The following OPCML variants were observed in gnomAD, a reference collection of about 807,000 sequenced individuals.
The protein encoded by OPCML is opioid binding protein/cell adhesion molecule like.
OPCML carries 13 observed loss-of-function variants against 37.8 expected under a neutral mutation model. The observed-to-expected ratio is 0.34, with a 90% CI of 0.22 to 0.55. The LOEUF is 0.55. Ranked by LOEUF, OPCML falls within the 20% of genes least tolerant of loss-of-function variation. The probability of loss-of-function intolerance (pLI) is 0.91; values close to 1 mark genes in which losing one functional copy is unlikely to be tolerated. For synonymous variants in OPCML, 176 were observed against 168.8 expected (o/e 1.04, Z -0.33); for missense variants, 341 against 435.6 (o/e 0.78, Z 1.93).
intron 1 of OPCML, chr11:133,301,218 G>C (rs982200155): frequency 1.3e-5 from 2 of 152,090 alleles, no homozygotes; most frequent in Admixed American, 6.6e-5. Context: ...TGGTATTTTA[G>C]TCTTTGTTAC....
chr11:132,925,898 C>T (rs767114465), intron 2 of OPCML, among the ~76,000 whole-genome samples: 45 of 152,148 alleles, frequency 3.0e-4, no homozygotes, highest in Admixed American at 2.0e-3. Flanking sequence ...CTGTTATTCC[C>T]TACCACTCAT....
chr11:132,826,117 G>A (rs958512918), intron 2 of OPCML, among the ~76,000 whole-genome samples: 8 of 152,158 alleles, frequency 5.3e-5, no homozygotes, highest in Non-Finnish European at 1.2e-4. Flanking sequence ...AAGAGTCTGG[G>A]TAGTTATGGG....
In OPCML at chr11:133,219,923, A is replaced by G. The variant is rs576398694; in HGVS notation, c.62-276913T>C. Among the ~76,000 whole-genome samples the G allele has an allele frequency of 2.1e-4, 32 of 152,340 alleles. No homozygotes were observed. The South Asian group carries it at 6.6e-3, about 32-fold the overall frequency. ...TAAAACTTAAAATGCCAGTGGCGCT[A>G]AGATTGAGAAACTGCTCACTGCTCA... On this transcript the variant is annotated intron_variant, in intron 1 of 7. Transcript: ENST00000524381.
At chr11:133,269,276 TC>T (rs1056448008) in intron 1 of OPCML, among the ~76,000 whole-genome samples, 2 of 152,064 alleles carry the variant, frequency 1.3e-5, no homozygotes, top group Admixed American at 6.6e-5. Flanking sequence ...AACTGGAAAT[TC>T]CCCGAGAGTG....
chr11:132,777,473 G>C (rs1347515813), intron 2 of OPCML, among the ~76,000 whole-genome samples: 1 of 152,194 alleles, frequency 6.6e-6, no homozygotes, highest in African/African-American at 2.4e-5. Context: ...GGAGCCCACA[G>C]TCATTCTGGG....
chr11:132,673,771 T>C (rs1942579418), intron 2 of OPCML, among the ~76,000 whole-genome samples: 1 of 152,150 alleles, frequency 6.6e-6, no homozygotes, highest in East Asian at 1.9e-4. Flanking sequence ...TTATGATGAC[T>C]TGTCAAAACA....
At chr11:133,510,009 G>A (rs568891158) in intron 1 of OPCML, among the ~76,000 whole-genome samples, 1 of 152,246 alleles carries the variant, frequency 6.6e-6, no homozygotes, top group African/African-American at 2.4e-5. Flanking sequence ...GGCCATGTGG[G>A]GAAGTCTTTA....
chr11:132,973,007 C>G (rs1946376469), intron 1 of OPCML, among the ~76,000 whole-genome samples: 2 of 152,216 alleles, frequency 1.3e-5, no homozygotes, highest in Non-Finnish European at 2.9e-5. Context: ...ATACCTGGTA[C>G]TGAGCCTCCA....
intron 1 of OPCML, among the ~76,000 whole-genome samples, chr11:133,290,827 ATC>A (rs2136537452): frequency 6.6e-6 from 1 of 152,364 alleles, no homozygotes; most frequent in African/African-American, 2.4e-5. Context: ...CTTGTCTGGA[ATC>A]TTCTTCCAAT....
chr11:132,559,942 C>T (rs2096406903), intron 3 of OPCML, among the ~76,000 whole-genome samples: 1 of 152,186 alleles, frequency 6.6e-6, no homozygotes, highest in Non-Finnish European at 1.5e-5. Flanking sequence ...AGCTATTTTA[C>T]AAGTATCCCT....
intron 1 of OPCML, among the ~76,000 whole-genome samples, chr11:133,218,561 T>C (rs1195304595): frequency 6.6e-6 from 1 of 152,166 alleles, no homozygotes. Flanking sequence ...CCTGTGCATG[T>C]AAGCTTGGAC....
intron 2 of OPCML, among the ~76,000 whole-genome samples, chr11:132,783,694 A>G (rs940876925): frequency 2.6e-5 from 4 of 151,492 alleles, no homozygotes; most frequent in African/African-American, 7.2e-5. Flanking sequence ...TTTCCTAATA[A>G]TATATCCTTT....
intron 4 of OPCML, among the ~76,000 whole-genome samples, chr11:132,508,662 T>C (rs2096262580): frequency 6.6e-6 from 1 of 152,178 alleles, no homozygotes; most frequent in Non-Finnish European, 1.5e-5. Context: ...TCTTATGAGA[T>C]CTAATGGGCA....
chr11:133,488,614 T>A (rs1947584123), intron 1 of OPCML, among the ~76,000 whole-genome samples: 1 of 151,942 alleles, frequency 6.6e-6, no homozygotes, highest in African/African-American at 2.4e-5. Flanking sequence ...ATGGAAAAAA[T>A]TCCATGCTTA....
At chr11:132,600,086 G>C (rs1323391354) in intron 3 of OPCML, among the ~76,000 whole-genome samples, 1 of 152,172 alleles carries the variant, frequency 6.6e-6, no homozygotes, top group Non-Finnish European at 1.5e-5. Context: ...GCATAGCTGT[G>C]GGGTGTCCTT....
At chr11:133,258,499 A>T (rs886119441) in intron 1 of OPCML, among the ~76,000 whole-genome samples, 17 of 152,148 alleles carry the variant, frequency 1.1e-4, no homozygotes, top group African/African-American at 4.1e-4. Context: ...CAAGGAATCC[A>T]TTGTGACTTT....
chr11:133,349,552 C>T lies in OPCML; in HGVS notation c.61+182712G>A, dbSNP rs577435672. Among the ~76,000 whole-genome samples, 36 of 152,202 alleles carry T rather than the reference C, an allele frequency of 2.4e-4. 1 individual carries two copies. The highest frequency in any genetic ancestry group is 6.8e-3 in the Middle Eastern group (2 of 294). On this transcript the variant is annotated intron_variant, in intron 1 of 7. Coordinates refer to ENST00000524381, the MANE Select transcript of OPCML (RefSeq NM_001012393.5). ...TATACTTCAAGTGGAGAGTGGGATC[C>T]GAGAAACAATAGGAATCCCTTCTTC...
At chr11:132,843,725 T>C (rs1941399040) in intron 2 of OPCML, among the ~76,000 whole-genome samples, 1 of 152,200 alleles carries the variant, frequency 6.6e-6, no homozygotes, top group South Asian at 2.1e-4. Flanking sequence ...AGAAGGTCTG[T>C]ATGTGTTAGA....
intron 3 of OPCML, among the ~76,000 whole-genome samples, chr11:132,592,328 T>C (rs534413998): frequency 6.6e-6 from 1 of 152,046 alleles, no homozygotes; most frequent in East Asian, 1.9e-4. Flanking sequence ...GAGGGGCATA[T>C]GGAGGGAGAG....
Sources: gnomAD v4.1 joint callset for allele counts (sites outside exome capture counted in the v4.1 genomes callset) on GRCh38, gnomAD v4.1.1 for gene constraint, MANE v1.5 for transcripts, NCBI Gene and HGNC (gene_info 2026-07-23, HGNC 2026-07-21) for gene names.